LPP: variants seen among roughly 807,000 people sequenced by gnomAD.
LPP encodes the protein lipoma-preferred partner.
Under a neutral mutation model 60.4 loss-of-function variants are expected in LPP, and 38 were observed. The ratio of observed to expected loss-of-function variants is 0.63; its 90% CI spans 0.49 to 0.83. The LOEUF (loss-of-function observed/expected upper bound fraction) is 0.83. LPP is among the 40% of genes least tolerant of loss of function. The pLI, the probability that LPP is intolerant of heterozygous loss-of-function variation, is 0.00. For synonymous variants in LPP, 328 were observed against 290.8 expected (o/e 1.13, Z -1.30); for missense variants, 902 against 783.6 (o/e 1.15, Z -1.80).
chr3:188,752,921 T>C lies in LPP; in HGVS notation c.1241-7192T>C, dbSNP rs575658575. On this transcript the variant is annotated intron_variant, in intron 8 of 11. Coordinates refer to ENST00000617246, the MANE Select transcript of LPP (RefSeq NM_001375462.1). ...ACCTGTCCTGATTCGCCACCTGTGG[T>C]AGATCATGACTTTCACTAAGATCCC... 3.9e-5 allele frequency among the ~76,000 whole-genome samples: 6 copies of C among 152,310 alleles called. No individual in the cohort carries two copies. In the South Asian group the frequency reaches 1.2e-3, roughly 32 times the overall value.
chr3:188,664,981 C>T (rs1368747142), intron 7 of LPP, among the ~76,000 whole-genome samples: 1 of 152,090 alleles, frequency 6.6e-6, no homozygotes, highest in African/African-American at 2.4e-5. Context: ...AGCATCTTCC[C>T]CACACACCCA....
chr3:188,681,354 G>C (rs1182076467), intron 7 of LPP, among the ~76,000 whole-genome samples: 5 of 152,172 alleles, frequency 3.3e-5, no homozygotes, highest in African/African-American at 1.2e-4. Context: ...AGGATGCACA[G>C]TTCTTTGCTC....
chr3:188,766,668 C>T (rs971214627), intron 9 of LPP, among the ~76,000 whole-genome samples: 2 of 152,180 alleles, frequency 1.3e-5, no homozygotes, highest in African/African-American at 2.4e-5. Context: ...CACTGGAAAT[C>T]CCATTTGCTG....
At chr3:188,510,108 AG>A (rs1815002806) in intron 5 of LPP, among the ~76,000 whole-genome samples, 1 of 152,064 alleles carries the variant, frequency 6.6e-6, no homozygotes, top group Non-Finnish European at 1.5e-5. Flanking sequence ...TTTTGAAAAA[AG>A]GAACATTTCA....
At chr3:188,344,877 C>T (rs531461925) in intron 3 of LPP, among the ~76,000 whole-genome samples, 19 of 152,236 alleles carry the variant, frequency 1.2e-4, no homozygotes, top group African/African-American at 4.6e-4. Context: ...TGATCTGGGT[C>T]TTATGAGAGG....
At chr3:188,814,597 A>G (rs1321332648) in intron 9 of LPP, among the ~76,000 whole-genome samples, 1 of 152,242 alleles carries the variant, frequency 6.6e-6, no homozygotes, top group Non-Finnish European at 1.5e-5. Context: ...AAATGCTATT[A>G]AAATTCTTGT....
chr3:188,823,426 G>A (rs1439085916), intron 9 of LPP, among the ~76,000 whole-genome samples: 2 of 152,090 alleles, frequency 1.3e-5, no homozygotes, highest in South Asian at 2.1e-4. Flanking sequence ...GAATTTGGAT[G>A]GAAAGTTGGC....
chr3:188,642,564 G>GA (rs1219627062), intron 7 of LPP, among the ~76,000 whole-genome samples: 4 of 152,150 alleles, frequency 2.6e-5, no homozygotes, highest in African/African-American at 9.7e-5. Context: ...CTTATTATTT[G>GA]ACGTGATGAC....
rs1468149562 is a variant in LPP, at chr3:188,884,761, A to T, written c.*10282A>T. 1 of 226,118 alleles carries T rather than the reference A, an allele frequency of 4.4e-6. No individual in the cohort carries two copies. Among genetic ancestry groups the T allele is most frequent in the Non-Finnish European group, 8.8e-6 (1 of 113,696 alleles). 14.0% of individuals were successfully genotyped at this position (226,118 alleles called of 1,614,324 possible). ...GTTCCACAGAGGCAGAAACCGCCGT[A>T]GGTTAGCAATGCATTTTAGTCTTTC... is the stretch of plus-strand genomic sequence containing the variant. On this transcript the variant is annotated 3_prime_UTR_variant, in exon 12 of 12. Coordinates refer to ENST00000617246, the MANE Select transcript of LPP (RefSeq NM_001375462.1).
chr3:188,236,200 T>C (rs1721866145), intron 2 of LPP, among the ~76,000 whole-genome samples: 2 of 152,200 alleles, frequency 1.3e-5, no homozygotes, highest in Admixed American at 1.3e-4. Flanking sequence ...AAGCCGCAAT[T>C]ACATTTACAC....
At chr3:188,412,515 T>C (rs1417834501) in intron 4 of LPP, among the ~76,000 whole-genome samples, 1 of 152,270 alleles carries the variant, frequency 6.6e-6, no homozygotes, top group East Asian at 1.9e-4. Context: ...TTTTGATGAT[T>C]TGTAAGTAGT....
intron 7 of LPP, among the ~76,000 whole-genome samples, chr3:188,705,766 A>T (rs897866463): frequency 5.3e-5 from 8 of 151,940 alleles, no homozygotes; most frequent in Middle Eastern, 3.2e-3. Flanking sequence ...ACAGGCGTGC[A>T]TTATCACACC....
intron 7 of LPP, among the ~76,000 whole-genome samples, chr3:188,687,504 C>T (rs1245756566): frequency 6.6e-6 from 1 of 152,096 alleles, no homozygotes; most frequent in Non-Finnish European, 1.5e-5. Context: ...TTTCCTTGCT[C>T]TTGCTCGCTT....
intron 3 of LPP, among the ~76,000 whole-genome samples, chr3:188,348,089 A>G (rs1266240909): frequency 1.3e-5 from 2 of 151,798 alleles, no homozygotes; most frequent in African/African-American, 2.4e-5. Flanking sequence ...AAGTTACTTG[A>G]TTTACTTGGG....
chr3:188,751,939 A>G (rs1461758598), intron 8 of LPP, among the ~76,000 whole-genome samples: 1 of 152,186 alleles, frequency 6.6e-6, no homozygotes, highest in Admixed American at 6.5e-5. Context: ...AATATTGATA[A>G]ATATAAATCT....
At chr3:188,440,839 G>A (rs111960794) in intron 4 of LPP, among the ~76,000 whole-genome samples, 1 of 151,958 alleles carries the variant, frequency 6.6e-6, no homozygotes, top group African/African-American at 2.4e-5. Context: ...TCTTCTGCTG[G>A]CATAGAAAAC....
chr3:188,661,008 T>TCCCCCAA (rs1854463844), intron 7 of LPP, among the ~76,000 whole-genome samples: 1 of 152,096 alleles, frequency 6.6e-6, no homozygotes, highest in African/African-American at 2.4e-5. Flanking sequence ...TATTACTTTC[T>TCCCCCAA]CCCCCAACCC....
intron 1 of LPP, among the ~76,000 whole-genome samples, chr3:188,207,490 C>G (rs1426587616): frequency 1.3e-5 from 2 of 152,056 alleles, no homozygotes; most frequent in African/African-American, 4.8e-5. Flanking sequence ...CCTCGGCCTC[C>G]CAAAGTGCTG....
intron 4 of LPP, among the ~76,000 whole-genome samples, chr3:188,464,237 G>T (rs891147455): frequency 6.6e-6 from 1 of 152,158 alleles, no homozygotes; most frequent in African/African-American, 2.4e-5. Flanking sequence ...ATGGCTTAGG[G>T]AGTCAAGTGA....
Sources: gnomAD v4.1 joint callset for allele counts (sites outside exome capture counted in the v4.1 genomes callset) on GRCh38, gnomAD v4.1.1 for gene constraint, MANE v1.5 for transcripts, NCBI Gene and HGNC (gene_info 2026-07-23, HGNC 2026-07-21) for gene names.